KRT5: variants seen among roughly 807,000 people sequenced by gnomAD.
KRT5 encodes the protein keratin, type II cytoskeletal 5.
Under a neutral mutation model 44.0 loss-of-function variants are expected in KRT5, and 17 were observed. The ratio of observed to expected loss-of-function variants is 0.39; its 90% CI spans 0.26 to 0.58. The LOEUF (loss-of-function observed/expected upper bound fraction) is 0.58, where lower values mean the gene tolerates loss of function less well. KRT5 is among the 20% of genes least tolerant of loss of function. The probability of loss-of-function intolerance (pLI) is 0.61; values close to 1 mark genes in which losing one functional copy is unlikely to be tolerated. For missense variants in KRT5, 737 were observed against 785.5 expected, an observed-to-expected ratio of 0.94 and a Z score of 0.74; for synonymous variants, 329 against 312.8, an observed-to-expected ratio of 1.05 and a Z score of -0.55.
chr12:52,515,108 C>T lies in KRT5; in HGVS notation c.1607G>A (p.Ser536Asn), dbSNP rs200916228. The stretch of plus-strand genomic sequence containing the variant: ...ACCACCTAGGCCGACACCCCCACTG[C>T]TGCTGGAGTAGTAGCTTCCACTGCT... ...GGSSGSYYSS[S>N]SGGVGLGGGL... The change falls in exon 9 of 9, where the codon AGC becomes AAC. Residue 536 changes from serine (S) to asparagine (N), a missense_variant. Coordinates refer to ENST00000252242, the MANE Select transcript of KRT5 (RefSeq NM_000424.4). 141 of 1,611,956 alleles carry T rather than the reference C, an allele frequency of 8.7e-5. No homozygotes were observed. In the Middle Eastern group the frequency reaches 1.2e-3, roughly 13 times the overall value.
chr12:52,519,943 A>T lies in KRT5; in HGVS notation c.354T>A (p.Gly118=), dbSNP rs1257124938. The change falls in exon 1 of 9, where the codon GGT becomes GGA. Residue 118 remains glycine (G), a synonymous_variant. Coordinates refer to ENST00000252242, the MANE Select transcript of KRT5 (RefSeq NM_000424.4). ...AGCCACCTCCAAAGCCAGCTCCGCC[A>T]CCGAGCCCAAAGCCACCACCAGCTC... ...GGGAGGGFGL[G]GGAGFGGGFG... The T allele has an allele frequency of 6.2e-7, 1 of 1,612,452 alleles. No individual in the cohort carries two copies. The highest frequency in any genetic ancestry group is 1.3e-5 in the African/African-American group (1 of 74,732).
At chr12:52,518,197 A>G in intron 2 of KRT5, 34 bp from the exon 3 acceptor site, 1 of 1,603,224 alleles carries the variant, frequency 6.2e-7, no homozygotes, top group Non-Finnish European at 8.5e-7. Flanking sequence ...TGTTTGTCAG[A>G]GGATGAGCAA....
rs367950934 is a variant in KRT5 at position 52,519,994 on chromosome 12, G to A, written c.303C>T (p.Ala101=). 3.2e-5 allele frequency: 52 copies of A among 1,613,592 alleles called. No individual in the cohort carries two copies. Among genetic ancestry groups the A allele is most frequent in the African/African-American group, 1.6e-4 (12 of 74,762 alleles). ...AGGGYGFGGG[A]GSGFGFGGGA... Reference sequence around the variant, plus strand: ...CACCGCCGAAACCAAATCCACTACCGGCACCACCTCCAAAGCCATAGCCGC... The same window carrying A: ...CACCGCCGAAACCAAATCCACTACCAGCACCACCTCCAAAGCCATAGCCGC... The change falls in exon 1 of 9, where the codon GCC becomes GCT. Residue 101 remains alanine, a synonymous_variant. Transcript: ENST00000252242.
chr12:52,519,309 T>A (rs1024060954), intron 1 of KRT5, 149 bp from the exon 2 acceptor site: 32 of 1,214,846 alleles, frequency 2.6e-5, no homozygotes, highest in Non-Finnish European at 3.5e-5. Context: ...AGGTGCAGAC[T>A]GAGGCACCCA....
Position 52,517,140 on chromosome 12 carries a change from C to G in KRT5, c.1185G>C (p.Arg395Ser), listed in dbSNP as rs761999937. ...TGACATTGTCAATCTCGGCTCTCAG[C>G]CTCTGGATCATCCGGTTCATCTCAG... ...EISEMNRMIQ[R>S]LRAEIDNVKK... Residue 395 changes from arginine (R) to serine (S), a missense_variant, in exon 6 of 9, where the codon AGG (arginine) becomes AGC (serine). By Grantham distance (110) the Arg-to-Ser change is moderately radical. Around this residue, in one of 5 missense-constraint regions of KRT5, gnomAD observed 344 missense variants for 351.6 expected, o/e 0.98. Transcript: ENST00000252242. 3.7e-6 allele frequency: 6 copies of G among 1,614,180 alleles called. No homozygotes were observed. The Admixed American group carries it at 1.0e-4, about 27-fold the overall frequency.
At chr12:52,516,394 G>T in intron 7 of KRT5, 2 of 547,156 alleles carry the variant, frequency 3.7e-6, no homozygotes, top group Admixed American at 2.9e-5. Flanking sequence ...GTGTCAAGAA[G>T]ATTGCTGAGT....
At chr12:52,515,628 G>A in intron 8 of KRT5, 170 bp downstream of exon 8, 1 of 697,068 alleles carries the variant, frequency 1.4e-6, no homozygotes, top group East Asian at 2.7e-5. Context: ...ATTGCTTCCT[G>A]TCCCAATCTG....
chr12:52,518,274 T>A (rs2120482178), intron 2 of KRT5, 111 bp from the exon 3 acceptor site: 1 of 1,004,848 alleles, frequency 1.0e-6, no homozygotes, highest in Middle Eastern at 2.1e-4. Flanking sequence ...GGGCTTCTCC[T>A]CATAGGCAGA....
At position 52,516,683 on chromosome 12, in the gene KRT5, C is replaced by T. The variant is rs758969808; in HGVS notation, c.1393G>A (p.Val465Met). 1.7e-5 allele frequency: 27 copies of T among 1,614,090 alleles called. No homozygotes were observed. Among genetic ancestry groups the T allele is most frequent in the African/African-American group, 4.0e-5 (3 of 74,930 alleles). The change falls in exon 7 of 9, where the codon GTG (valine) becomes ATG (methionine). Residue 465 changes from valine to methionine, a missense_variant. Coordinates refer to ENST00000252242, the MANE Select transcript of KRT5 (RefSeq NM_000424.4). ...ELMNTKLALDVEIATYRKLLE... is the reference protein window; with the variant it reads ...ELMNTKLALDMEIATYRKLLE... ...AGCTTGCGGTAAGTGGCGATCTCCA[C>T]GTCCAGGGCCAGCTTGGTGTTCATG...
chr12:52,517,506 G>T (rs1363506404), intron 5 of KRT5, 84 bp downstream of exon 5: 3 of 1,441,306 alleles, frequency 2.1e-6, no homozygotes, highest in Non-Finnish European at 2.9e-6. Flanking sequence ...GGTTCCAGGA[G>T]CCCCATTCTT....
rs144845827 is a variant in KRT5 at position 52,519,073 on chromosome 12, G to C, written c.643C>G (p.Leu215Val). The change falls in exon 2 of 9, where the codon CTG becomes GTG. Residue 215 changes from leucine (L) to valine (V), a missense_variant. By Grantham distance (32) the Leu-to-Val change is conservative (BLOSUM62 1). Transcript: ENST00000252242. ...EQGTKTVRQN[L>V]EPLFEQYINN... The stretch of plus-strand genomic sequence containing the variant: ...ATGTACTGCTCGAACAACGGCTCCA[G>C]GTTCTGCCTCACAGTCTTGGTGCCC... 3.7e-6 allele frequency: 6 copies of C among 1,614,228 alleles called. No individual in the cohort carries two copies. The South Asian group carries it at 4.4e-5, about 12-fold the overall frequency.
rs1938634160 is a variant in KRT5, at chr12:52,517,683, C to A, written c.999G>T (p.Leu333=). The part of the protein sequence containing the change: ...VVLSMDNNRN[L]DLDSIIAEVK... ...CCTCAGCGATGATGCTATCCAGGTC[C>A]AGGTTGCGGTTGTTGTCCATGGAGA... The change falls in exon 5 of 9, where the codon CTG becomes CTT. Residue 333 remains leucine, a synonymous_variant. Coordinates refer to ENST00000252242, the MANE Select transcript of KRT5 (RefSeq NM_000424.4). The A allele has an allele frequency of 6.2e-7, 1 of 1,614,080 alleles. No individual in the cohort carries two copies. Among genetic ancestry groups the A allele is most frequent in the African/African-American group, 1.3e-5 (1 of 74,932 alleles).
At chr12:52,518,362 T>TACCATATA (rs1280363781) in intron 2 of KRT5, 199 bp from the exon 3 acceptor site, 7 of 683,388 alleles carry the variant, frequency 1.0e-5, no homozygotes, top group Non-Finnish European at 1.9e-5. Flanking sequence ...TGTAACTGCC[T>TACCATATA]ACCATATAAT....
At chr12:52,519,407 G>A in intron 1 of KRT5, 1 of 663,564 alleles carries the variant, frequency 1.5e-6, no homozygotes, top group Admixed American at 2.6e-5. Flanking sequence ...CGGCTCAGGG[G>A]TGGCTGCAAA....
Position 52,520,088 on chromosome 12 carries a change from C to T in KRT5, c.209G>A (p.Gly70Asp), listed in dbSNP as rs540081758. The T allele has an allele frequency of 1.1e-5, 18 of 1,614,076 alleles. No individual in the cohort carries two copies. In the East Asian group the frequency reaches 2.9e-4, roughly 26 times the overall value. Reference sequence around the variant, plus strand: ...AGTGCTGATGGATATCCTCTTGGAGCCCCCCAGGTTGTAGAGGCTCCGGCT... The same window carrying T: ...AGTGCTGATGGATATCCTCTTGGAGTCCCCCAGGTTGTAGAGGCTCCGGCT... ...YGSRSLYNLG[G>D]SKRISISTSG... The change falls in exon 1 of 9, where the codon GGC (glycine) becomes GAC (aspartate). Residue 70 changes from glycine (G) to aspartate (D), a missense_variant. By Grantham distance (94) the Gly-to-Asp change is moderately conservative (BLOSUM62 -1). Coordinates refer to ENST00000252242, the MANE Select transcript of KRT5 (RefSeq NM_000424.4).
intron 1 of KRT5, 76 bp from the exon 2 acceptor site, chr12:52,519,236 A>T: frequency 6.3e-7 from 1 of 1,584,202 alleles, no homozygotes; most frequent in East Asian, 2.3e-5. Flanking sequence ...GGTGCCTCCC[A>T]CCTCTTTCCG....
chr12:52,518,218 G>A (rs1255999243), intron 2 of KRT5, 55 bp from the exon 3 acceptor site: 1 of 1,541,468 alleles, frequency 6.5e-7, no homozygotes, highest in African/African-American at 1.4e-5. Context: ...CAGGTAAGGG[G>A]TCTTTATTAT....
rs754470005 is a variant in KRT5, at chr12:52,519,012, C to G, written c.704G>C (p.Gly235Ala). Reference protein sequence around the residue: ...NLRRQLDSIVGERGRLDSELR... With the variant: ...NLRRQLDSIVAERGRLDSELR... The stretch of plus-strand genomic sequence containing the variant: ...CTCTGAGTCCAGGCGGCCCCGTTCC[C>G]CCACGATGCTGTCCAGCTGCCTCCT... Residue 235 changes from glycine to alanine, a missense_variant, in exon 2 of 9, where the codon GGG becomes GCG. Transcript: ENST00000252242. 3.7e-6 allele frequency: 6 copies of G among 1,614,062 alleles called. No individual in the cohort carries two copies. The Admixed American group carries it at 6.7e-5, about 18-fold the overall frequency.
rs144845827 is a variant in KRT5 at position 52,519,073 on chromosome 12, G to T, written c.643C>A (p.Leu215Met). Residue 215 changes from leucine (L) to methionine (M), a missense_variant, in exon 2 of 9, where the codon CTG (leucine) becomes ATG (methionine). By Grantham distance (15) the Leu-to-Met change is conservative. Transcript: ENST00000252242. ...ATGTACTGCTCGAACAACGGCTCCAGGTTCTGCCTCACAGTCTTGGTGCCC... is the reference window on the plus strand; with the variant it reads ...ATGTACTGCTCGAACAACGGCTCCATGTTCTGCCTCACAGTCTTGGTGCCC... ...EQGTKTVRQN[L>M]EPLFEQYINN... 6.6e-5 allele frequency: 106 copies of T among 1,614,110 alleles called. No homozygotes were observed. Among genetic ancestry groups the T allele is most frequent in the Admixed American group, 1.0e-4 (6 of 60,010 alleles).
Sources: allele counts gnomAD v4.1 joint callset, GRCh38; gene constraint gnomAD v4.1.1; regional missense constraint gnomAD v4.1.1; transcripts MANE v1.5; gene names NCBI Gene and HGNC (gene_info 2026-07-23, HGNC 2026-07-21).